Variants in SAMMSON observed in about 807,000 individuals in gnomAD.
The protein encoded by SAMMSON is long intergenic non-protein coding RNA 1212.
chr3:70,120,394 T>A (rs2067428038), intron 4 of SAMMSON: 1 of 152,156 alleles, frequency 6.6e-6, no homozygotes, highest in African/African-American at 2.4e-5. Flanking sequence ...GATGAAGAAT[T>A]TGATTTTTTT....
chr3:70,196,493 G>A (rs1202287852), intron 4 of SAMMSON, among the ~76,000 whole-genome samples: 5 of 152,204 alleles, frequency 3.3e-5, no homozygotes, highest in Middle Eastern at 3.4e-3. Flanking sequence ...AATGCATAAT[G>A]TTTATGCATG....
chr3:70,430,861 G>A (rs76906745), intron 2 of SAMMSON, among the ~76,000 whole-genome samples: 3,513 of 152,178 alleles, frequency 0.023, 70 homozygotes, highest in South Asian at 0.057. Context: ...CTCAGCCTTA[G>A]TTTTTATACA....
At chr3:70,059,682 C>T (rs1165149775) in intron 3 of SAMMSON, among the ~76,000 whole-genome samples, 1 of 152,072 alleles carries the variant, frequency 6.6e-6, no homozygotes, top group Admixed American at 6.6e-5. Flanking sequence ...CTAATCTCAT[C>T]TGGAAACACA....
intron 2 of SAMMSON, among the ~76,000 whole-genome samples, chr3:70,427,737 CAA>C (rs34837077): frequency 1.3e-4 from 13 of 102,860 alleles, no homozygotes; most frequent in Admixed American, 2.1e-4. Context: ...AACTCCGTCT[CAA>C]AAAAAAAAAA....
At chr3:70,100,780 A>T (rs553133804) in intron 4 of SAMMSON, among the ~76,000 whole-genome samples, 3 of 152,192 alleles carry the variant, frequency 2.0e-5, no homozygotes, top group African/African-American at 4.8e-5. Flanking sequence ...AAAAATCAAC[A>T]TACCAAACTG....
intron 4 of SAMMSON, among the ~76,000 whole-genome samples, chr3:70,177,375 G>A (rs567048379): frequency 6.6e-6 from 1 of 152,268 alleles, no homozygotes; most frequent in Admixed American, 6.5e-5. Flanking sequence ...CTGGTCTCTT[G>A]TCCAGAAGGT....
chr3:70,017,088 A>G (rs1358665201), intron 3 of SAMMSON, among the ~76,000 whole-genome samples: 1 of 152,084 alleles, frequency 6.6e-6, no homozygotes, highest in Non-Finnish European at 1.5e-5. Flanking sequence ...TTGGTTCTAT[A>G]TGAACTTTAA....
chr3:70,247,097 G>A (rs374884486), intron 4 of SAMMSON, among the ~76,000 whole-genome samples: 119 of 151,898 alleles, frequency 7.8e-4, no homozygotes, highest in East Asian at 3.9e-4. Context: ...AGTACCAAGC[G>A]CATGGTAGAA....
chr3:70,050,236 G>A (rs572379716), intron 3 of SAMMSON, among the ~76,000 whole-genome samples: 3 of 152,046 alleles, frequency 2.0e-5, no homozygotes, highest in South Asian at 2.1e-4. Context: ...AATATTTTGC[G>A]TTCTGTGTAA....
intron 7 of SAMMSON, among the ~76,000 whole-genome samples, chr3:70,334,543 A>G (rs1057105092): frequency 6.6e-6 from 1 of 152,052 alleles, no homozygotes. Context: ...CTTGCTACCT[A>G]GTGAAATTCT....
At chr3:70,400,484 T>A (rs958414270) in intron 2 of SAMMSON, among the ~76,000 whole-genome samples, 4 of 152,192 alleles carry the variant, frequency 2.6e-5, no homozygotes, top group African/African-American at 9.6e-5. Flanking sequence ...CTGCCATGAG[T>A]TGAGGCAGTG....
intron 3 of SAMMSON, among the ~76,000 whole-genome samples, chr3:70,046,519 A>T (rs2067127642): frequency 6.6e-6 from 1 of 152,092 alleles, no homozygotes; most frequent in Non-Finnish European, 1.5e-5. Context: ...TTATTCTTGT[A>T]CTTTCCAATT....
intron 4 of SAMMSON, among the ~76,000 whole-genome samples, chr3:70,091,377 G>T (rs561992311): frequency 2.7e-4 from 41 of 152,218 alleles, no homozygotes; most frequent in African/African-American, 9.6e-4. Flanking sequence ...AGCTTACAAG[G>T]GCTTCAGGTT....
chr3:70,049,906 G>A (rs1394304417), intron 3 of SAMMSON, among the ~76,000 whole-genome samples: 1 of 152,062 alleles, frequency 6.6e-6, no homozygotes, highest in Non-Finnish European at 1.5e-5. Context: ...AACGTGCAAT[G>A]ACATAATGTA....
chr3:70,234,209 C>G (rs1184682025), intron 4 of SAMMSON, among the ~76,000 whole-genome samples: 1 of 152,158 alleles, frequency 6.6e-6, no homozygotes, highest in Non-Finnish European at 1.5e-5. Flanking sequence ...TTCAAGTATT[C>G]TAGACACTTA....
chr3:70,338,684 A>C (rs1017013434), intron 7 of SAMMSON, among the ~76,000 whole-genome samples: 2 of 152,112 alleles, frequency 1.3e-5, no homozygotes, highest in Non-Finnish European at 2.9e-5. Flanking sequence ...CCTAGGAAAC[A>C]AACTTACAAG....
chr3:70,043,950 T>C (rs544503581), intron 3 of SAMMSON, among the ~76,000 whole-genome samples: 8 of 152,208 alleles, frequency 5.3e-5, no homozygotes, highest in Admixed American at 6.6e-5. Flanking sequence ...ACAAAATTGA[T>C]CCAATTACTC....
intron 4 of SAMMSON, among the ~76,000 whole-genome samples, chr3:70,080,709 C>G (rs1399197006): frequency 6.6e-6 from 1 of 150,608 alleles, no homozygotes; most frequent in East Asian, 1.9e-4. Flanking sequence ...TTTTTTTAAC[C>G]AAATAATTTT....
At chr3:70,365,165 G>A (rs1041262396) in intron 9 of SAMMSON, among the ~76,000 whole-genome samples, 1 of 151,446 alleles carries the variant, frequency 6.6e-6, no homozygotes, top group African/African-American at 2.4e-5. Context: ...TTACTTTCTG[G>A]CATCATAAAA....
Sources: allele counts gnomAD v4.1 joint callset (sites outside exome capture counted in the v4.1 genomes callset), GRCh38; gene constraint gnomAD v4.1.1; transcripts MANE v1.5; gene names NCBI Gene and HGNC (gene_info 2026-07-23, HGNC 2026-07-21).